The following LRRC4C variants were observed in gnomAD, a reference collection of about 807,000 sequenced individuals.
LRRC4C encodes leucine-rich repeat-containing protein 4C.
In LRRC4C, 5 loss-of-function variants were observed where a neutral mutation model predicts 33.6. The ratio of observed to expected loss-of-function variants is 0.15; its 90% CI spans 0.08 to 0.31. LRRC4C has a LOEUF of 0.31. Among genes scored for constraint, LRRC4C ranks in the 10% least tolerant of loss-of-function variants. LRRC4C has a pLI of 1.00. For missense variants in LRRC4C, 560 were observed against 796.7 expected, an observed-to-expected ratio of 0.70 and a Z score of 3.58; for synonymous variants, 329 against 302.0, an observed-to-expected ratio of 1.09 and a Z score of -0.93.
intron 6 of LRRC4C, among the ~76,000 whole-genome samples, chr11:40,128,263 G>T (rs1425031705): frequency 6.6e-6 from 1 of 152,134 alleles, no homozygotes; most frequent in Admixed American, 6.6e-5. Flanking sequence ...CATAAAAGCC[G>T]CTACCATGTG....
chr11:40,571,586 T>C (rs1013098310), intron 3 of LRRC4C, among the ~76,000 whole-genome samples: 1 of 152,198 alleles, frequency 6.6e-6, no homozygotes, highest in African/African-American at 2.4e-5. Context: ...CTCCTGACTT[T>C]CAGCTTAATG....
intron 3 of LRRC4C, among the ~76,000 whole-genome samples, chr11:40,534,747 C>A (rs771010335): frequency 6.6e-6 from 1 of 152,136 alleles, no homozygotes; most frequent in Non-Finnish European, 1.5e-5. Flanking sequence ...GTGTTTGCAA[C>A]CTGCTGAATC....
intron 3 of LRRC4C, among the ~76,000 whole-genome samples, chr11:40,629,773 T>G (rs898080967): frequency 2.6e-5 from 4 of 152,192 alleles, no homozygotes; most frequent in Non-Finnish European, 4.4e-5. Context: ...GCATTTTAAA[T>G]GATAGATGTT....
At chr11:40,193,121 C>T (rs1365834616) in intron 5 of LRRC4C, among the ~76,000 whole-genome samples, 2 of 152,152 alleles carry the variant, frequency 1.3e-5, no homozygotes, top group South Asian at 2.1e-4. Flanking sequence ...CAGGCTGCCT[C>T]CTAAAGTGGG....
chr11:40,178,460 C>T lies in LRRC4C; in HGVS notation c.-95-37607G>A, dbSNP rs185589409. Among the ~76,000 whole-genome samples, 6 of 152,290 alleles carry T rather than the reference C, an allele frequency of 3.9e-5. No homozygotes were observed. The East Asian group carries it at 1.2e-3, about 29-fold the overall frequency. ...GGGATCCAGCAGGAGCAGACCTATC[C>T]ATTTGCTGCTTAAGCTTAGGGTAAG... On this transcript the variant is annotated intron_variant, in intron 5 of 6. Transcript: ENST00000528697.
At chr11:41,421,908 C>T (rs182290457) in intron 1 of LRRC4C, among the ~76,000 whole-genome samples, 2 of 152,058 alleles carry the variant, frequency 1.3e-5, no homozygotes, top group Admixed American at 6.6e-5. Flanking sequence ...AGATTGAGAC[C>T]GATAAGTGGT....
chr11:40,748,995 T>A (rs1156448175), intron 2 of LRRC4C, among the ~76,000 whole-genome samples: 1 of 152,040 alleles, frequency 6.6e-6, no homozygotes, highest in East Asian at 1.9e-4. Context: ...CAAATAATAC[T>A]ACATCTAAAG....
rs1392513756 is a variant in LRRC4C at position 41,357,596 on chromosome 11, C to T, written c.-496+101835G>A. On this transcript the variant is annotated intron_variant, in intron 1 of 6. Coordinates refer to ENST00000528697, the MANE Select transcript of LRRC4C (RefSeq NM_001258419.2). Reference sequence around the variant, plus strand: ...TCTCTGTGGCCTACTTTCCTAACGTCCTTGTTCTGGTGTTCCTTTTCCATA... The same window carrying T: ...TCTCTGTGGCCTACTTTCCTAACGTTCTTGTTCTGGTGTTCCTTTTCCATA... 5.3e-5 allele frequency among the ~76,000 whole-genome samples: 8 copies of T among 151,958 alleles called. No homozygotes were observed. In the East Asian group the frequency reaches 1.5e-3, roughly 29 times the overall value.
At chr11:40,481,525 G>C (rs935974955) in intron 3 of LRRC4C, among the ~76,000 whole-genome samples, 2 of 151,898 alleles carry the variant, frequency 1.3e-5, no homozygotes, top group Admixed American at 1.3e-4. Context: ...ATTCAGTAAC[G>C]GTCACCATAA....
At chr11:41,159,701 A>T (rs1303586883) in intron 1 of LRRC4C, among the ~76,000 whole-genome samples, 1 of 152,144 alleles carries the variant, frequency 6.6e-6, no homozygotes, top group Non-Finnish European at 1.5e-5. Context: ...ACTATTTTAC[A>T]TATGAGAAAA....
intron 2 of LRRC4C, among the ~76,000 whole-genome samples, chr11:40,730,449 T>C (rs1374076609): frequency 2.0e-5 from 3 of 152,148 alleles, no homozygotes; most frequent in Non-Finnish European, 4.4e-5. Flanking sequence ...TCCATAGAGA[T>C]ACAGGTTTAA....
intron 3 of LRRC4C, among the ~76,000 whole-genome samples, chr11:40,513,197 C>T (rs1385644795): frequency 2.2e-5 from 3 of 136,914 alleles, no homozygotes; most frequent in Non-Finnish European, 3.0e-5. Flanking sequence ...TGCAGTGAGC[C>T]GAGATAGTGC....
At chr11:40,125,690 A>G (rs1221764894) in intron 6 of LRRC4C, among the ~76,000 whole-genome samples, 1 of 152,178 alleles carries the variant, frequency 6.6e-6, no homozygotes, top group African/African-American at 2.4e-5. Flanking sequence ...TGATATCCTT[A>G]TAAGAAAGGT....
At chr11:40,967,425 T>C (rs1244229104) in intron 1 of LRRC4C, among the ~76,000 whole-genome samples, 1 of 152,104 alleles carries the variant, frequency 6.6e-6, no homozygotes, top group East Asian at 1.9e-4. Flanking sequence ...TTATTGTGCT[T>C]CACTTTATTG....
intron 2 of LRRC4C, among the ~76,000 whole-genome samples, chr11:40,858,531 C>T (rs1005703990): frequency 2.0e-5 from 3 of 151,642 alleles, no homozygotes; most frequent in African/African-American, 7.3e-5. Context: ...CCCATCTCTA[C>T]TAAAAATACA....
At chr11:40,935,969 A>T (rs748363871) in intron 1 of LRRC4C, among the ~76,000 whole-genome samples, 4 of 138,084 alleles carry the variant, frequency 2.9e-5, no homozygotes, top group Non-Finnish European at 6.2e-5. Flanking sequence ...ACTCTCAGTA[A>T]GAATGTGATG....
chr11:40,652,934 C>G (rs1385845979), intron 2 of LRRC4C, among the ~76,000 whole-genome samples: 2 of 152,116 alleles, frequency 1.3e-5, no homozygotes, highest in Non-Finnish European at 2.9e-5. Flanking sequence ...TTTCCCCCTG[C>G]TGTTCTCATG....
intron 2 of LRRC4C, among the ~76,000 whole-genome samples, chr11:40,709,858 C>G (rs1171382935): frequency 6.6e-6 from 1 of 152,128 alleles, no homozygotes; most frequent in Non-Finnish European, 1.5e-5. Context: ...TTCACATAGT[C>G]CCATATTTCT....
intron 3 of LRRC4C, among the ~76,000 whole-genome samples, chr11:40,458,807 C>A (rs1045816180): frequency 1.3e-5 from 2 of 152,134 alleles, no homozygotes; most frequent in Non-Finnish European, 2.9e-5. Flanking sequence ...TTAATATATT[C>A]ACCTTCACTT....
Sources: allele counts gnomAD v4.1 joint callset (sites outside exome capture counted in the v4.1 genomes callset), GRCh38; gene constraint gnomAD v4.1.1; transcripts MANE v1.5; gene names NCBI Gene and HGNC (gene_info 2026-07-23, HGNC 2026-07-21).